KDM6A: variants seen among roughly 807,000 people sequenced by gnomAD.
KDM6A encodes the protein lysine demethylase 6A.
KDM6A carries 11 observed loss-of-function variants against 117.6 expected under a neutral mutation model. The ratio of observed to expected loss-of-function variants is 0.09; its 90% CI spans 0.06 to 0.15. KDM6A has a LOEUF of 0.15. KDM6A is among the 10% of genes least tolerant of loss of function. The pLI, the probability that KDM6A is intolerant of heterozygous loss-of-function variation, is 1.00. For missense variants in KDM6A, 799 were observed against 1,077.3 expected (o/e 0.74, Z 3.62); for synonymous variants, 384 against 396.1 (o/e 0.97, Z 0.36).
chrX:45,081,268 C>T lies in KDM6A; in HGVS notation c.3301-1308C>T, dbSNP rs766676616. Among the ~76,000 whole-genome samples the T allele has an allele frequency of 2.7e-5, 3 of 111,780 alleles. No homozygotes were observed. The South Asian group carries it at 1.1e-3, about 42-fold the overall frequency. On this transcript the variant is annotated intron_variant, in intron 21 of 29. Coordinates refer to ENST00000611820, the MANE Select transcript of KDM6A (RefSeq NM_001291415.2). The stretch of plus-strand genomic sequence containing the variant: ...TTTTAGTATGCTTTAAGACATGGAC[C>T]ATTACATGTGAAAAGTTTGACAAAT...
At chrX:44,896,319 C>T (rs1050418197) in intron 2 of KDM6A, among the ~76,000 whole-genome samples, 5 of 110,449 alleles carry the variant, frequency 4.5e-5, no homozygotes, top group East Asian at 5.7e-4. Flanking sequence ...CCTCGTGATC[C>T]GCCCGCCTCG....
chrX:45,051,272 A>T (rs6651829), intron 8 of KDM6A, among the ~76,000 whole-genome samples: 24,337 of 110,926 alleles, frequency 0.22, 4,342 homozygotes, highest in African/African-American at 0.61. Flanking sequence ...CCTCCCAAAG[A>T]GTTGGGATTA....
chrX:45,071,851 G>C (rs760068637), intron 18 of KDM6A, among the ~76,000 whole-genome samples: 1 of 110,224 alleles, frequency 9.1e-6, no homozygotes, highest in Admixed American at 9.7e-5. Flanking sequence ...CTTACCGCAC[G>C]CTCTGCCTCC....
At chrX:44,927,791 A>T (rs1018827898) in intron 2 of KDM6A, among the ~76,000 whole-genome samples, 2 of 111,701 alleles carry the variant, frequency 1.8e-5, no homozygotes, top group African/African-American at 6.5e-5. Flanking sequence ...ACTTCTAGAA[A>T]GCCAAGCTTA....
intron 2 of KDM6A, among the ~76,000 whole-genome samples, chrX:44,885,117 T>G (rs1261442121): frequency 1.8e-5 from 2 of 108,445 alleles, no homozygotes. Context: ...CACTACAGCC[T>G]GACCTCCCAG....
At chrX:45,005,145 A>G (rs895529531) in intron 4 of KDM6A, among the ~76,000 whole-genome samples, 8 of 110,332 alleles carry the variant, frequency 7.3e-5, no homozygotes, top group African/African-American at 2.3e-4. Flanking sequence ...GAGTCCTTTT[A>G]GAGAGGGGTC....
intron 2 of KDM6A, among the ~76,000 whole-genome samples, chrX:44,951,185 T>G (rs1251902967): frequency 1.8e-5 from 2 of 111,665 alleles, no homozygotes; most frequent in African/African-American, 6.5e-5. Flanking sequence ...GAGGCACCCC[T>G]CTGTGCAGAG....
chrX:44,967,180 T>C (rs1207265783), intron 3 of KDM6A, among the ~76,000 whole-genome samples: 1 of 111,451 alleles, frequency 9.0e-6, no homozygotes, highest in African/African-American at 3.3e-5. Context: ...AAAATAAAAT[T>C]CTCTATCTGT....
intron 4 of KDM6A, among the ~76,000 whole-genome samples, chrX:45,008,361 G>A (rs1052839507): frequency 9.0e-5 from 10 of 110,761 alleles, no homozygotes; most frequent in Non-Finnish European, 1.9e-4. Flanking sequence ...GCGACAGAGC[G>A]AAACTCCATC....
chrX:45,107,396 C>T lies in KDM6A; in HGVS notation c.4035-14C>T, dbSNP rs894854171. The T allele has an allele frequency of 2.5e-6, 3 of 1,203,513 alleles. No individual in the cohort carries two copies. Among genetic ancestry groups the T allele is most frequent in the Non-Finnish European group, 3.4e-6 (3 of 888,227 alleles). On this transcript the variant is annotated splice_polypyrimidine_tract_variant and intron_variant, in intron 27 of 29. Transcript: ENST00000611820. ...TTCAGTTGCTGGTCACAAATAATTT[C>T]TCCCCCACAATAGGTATTGTCTTCT...
intron 24 of KDM6A, among the ~76,000 whole-genome samples, chrX:45,085,587 A>G (rs1180574188): frequency 8.9e-6 from 1 of 111,938 alleles, no homozygotes; most frequent in Non-Finnish European, 1.9e-5. Flanking sequence ...TGACTAAGCC[A>G]AGGAGTCTGG....
At chrX:44,946,430 T>A (rs181588219) in intron 2 of KDM6A, among the ~76,000 whole-genome samples, 2 of 111,921 alleles carry the variant, frequency 1.8e-5, no homozygotes, top group African/African-American at 6.5e-5. Flanking sequence ...CAAATTTGAT[T>A]TTTAGGAGTT....
At chrX:45,036,513 C>T (rs1247132059) in intron 7 of KDM6A, among the ~76,000 whole-genome samples, 4 of 111,426 alleles carry the variant, frequency 3.6e-5, no homozygotes, top group Non-Finnish European at 7.5e-5. Context: ...GTAGAATAAA[C>T]GGTAGAATAA....
chrX:45,052,866 T>C (rs907259648), intron 9 of KDM6A, among the ~76,000 whole-genome samples: 2 of 110,459 alleles, frequency 1.8e-5, no homozygotes, highest in African/African-American at 6.6e-5. Flanking sequence ...ATTTAAAAAA[T>C]TTCTTTTGTA....
chrX:45,101,237 C>T lies in KDM6A; in HGVS notation c.4035-6173C>T, dbSNP rs763309343. On this transcript the variant is annotated intron_variant, in intron 27 of 29. Transcript: ENST00000611820. ...TCTTCATTTATTGGCTGGGGAACTGCGGACAGATTGCTAAACCTATTAGTC... is the reference window on the plus strand; with the variant it reads ...TCTTCATTTATTGGCTGGGGAACTGTGGACAGATTGCTAAACCTATTAGTC... Among the ~76,000 whole-genome samples the T allele has an allele frequency of 7.2e-5, 8 of 111,253 alleles. No homozygotes were observed. The South Asian group carries it at 1.1e-3, about 16-fold the overall frequency.
At position 44,928,324 on chromosome X, in the gene KDM6A, CAT is replaced by C. The variant is rs200879248; in HGVS notation, c.226-32959_226-32958del. Among the ~76,000 whole-genome samples, 822 of 111,912 alleles carry C rather than the reference CAT, an allele frequency of 7.3e-3. 1 individual carries two copies. The highest frequency in any genetic ancestry group is 9.3e-3 in the Non-Finnish European group (496 of 53,151). Reference sequence around the variant, plus strand: ...AAAATAGAGAGGGAGTGTGTGCACACATGTGGCAAAATGTTAACAATTGGTGA... The same window carrying C: ...AAAATAGAGAGGGAGTGTGTGCACACGTGGCAAAATGTTAACAATTGGTGA... On this transcript the variant is annotated intron_variant, in intron 2 of 29. Transcript: ENST00000611820.
chrX:44,923,717 T>C (rs1433871257), intron 2 of KDM6A, among the ~76,000 whole-genome samples: 1 of 107,920 alleles, frequency 9.3e-6, no homozygotes, highest in Non-Finnish European at 1.9e-5. Context: ...CATGCCTGGC[T>C]GATTGATTGA....
At chrX:44,930,867 C>G (rs771782495) in intron 2 of KDM6A, among the ~76,000 whole-genome samples, 2 of 111,395 alleles carry the variant, frequency 1.8e-5, no homozygotes, top group African/African-American at 3.3e-5. Context: ...AGTTTCTATC[C>G]CCATACCTCC....
intron 10 of KDM6A, among the ~76,000 whole-genome samples, chrX:45,058,075 T>TCCCCC (rs554495782): frequency 2.6e-5 from 1 of 38,000 alleles, no homozygotes; most frequent in Non-Finnish European, 4.6e-5. Flanking sequence ...ACTCTTACTC[T>TCCCCC]CCCCCCCCCC....
Sources: gnomAD v4.1 joint callset for allele counts (sites outside exome capture counted in the v4.1 genomes callset) on GRCh38, gnomAD v4.1.1 for gene constraint, MANE v1.5 for transcripts, NCBI Gene and HGNC (gene_info 2026-07-23, HGNC 2026-07-21) for gene names.